Variants in DSC3 observed in about 807,000 individuals in gnomAD.
DSC3 encodes the protein desmocollin-3.
A neutral mutation model predicts 89.5 loss-of-function variants in DSC3; 97 were observed. The ratio of observed to expected loss-of-function variants is 1.08; its 90% CI spans 0.92 to 1.28. DSC3 has a LOEUF of 1.28. Among genes scored for constraint, DSC3 ranks in the 50% most tolerant of loss-of-function variants. The pLI, the probability that DSC3 is intolerant of heterozygous loss-of-function variation, is 0.00. For missense variants in DSC3, 1,199 were observed against 1,085.3 expected (o/e 1.10, Z -1.47); for synonymous variants, 436 against 384.1 (o/e 1.14, Z -1.58).
Position 31,008,313 on chromosome 18 carries a change from G to A in DSC3, c.1476C>T (p.Gly492=). Residue 492 remains glycine, a synonymous_variant, in exon 10 of 16, where the codon GGC becomes GGT. Coordinates refer to ENST00000360428, the MANE Select transcript of DSC3 (RefSeq NM_001941.5). Reference sequence around the variant, plus strand: ...TATTTTCGGGGTCATATGCCTTATAGCCGTTGATCTTTGACCCCACTGCTA... The same window carrying A: ...TATTTTCGGGGTCATATGCCTTATAACCGTTGATCTTTGACCCCACTGCTA... ...ENLAVGSKIN[G]YKAYDPENRN... is the part of the protein sequence containing the mutation. 1 of 1,613,982 alleles carries A rather than the reference G, an allele frequency of 6.2e-7. No homozygotes were observed. Among genetic ancestry groups the A allele is most frequent in the Non-Finnish European group, 8.5e-7 (1 of 1,179,992 alleles).
intron 1 of DSC3, among the ~76,000 whole-genome samples, chr18:31,033,763 C>T (rs1252347446): frequency 2.0e-5 from 3 of 152,212 alleles, no homozygotes; most frequent in African/African-American, 4.8e-5. Flanking sequence ...AAAACTTCTG[C>T]TCTCCACAAA....
rs140418576 is a variant in DSC3 at position 31,011,850 on chromosome 18, G to T, written c.1264-3325C>A. 2.4e-3 allele frequency among the ~76,000 whole-genome samples: 358 copies of T among 150,804 alleles called. 2 individuals are homozygous for T. The highest frequency in any genetic ancestry group is 8.0e-3 in the African/African-American group (327 of 41,048). On this transcript the variant is annotated intron_variant, in intron 9 of 15. Transcript: ENST00000360428. ...TCTACTAAAATACAAAAAATTAGCC[G>T]GGCATGGAGGCATGCGCCTGTAGTC... is the stretch of plus-strand genomic sequence containing the variant.
chr18:31,016,042 A>C (rs1335875041), intron 9 of DSC3, among the ~76,000 whole-genome samples: 1 of 152,164 alleles, frequency 6.6e-6, no homozygotes, highest in Non-Finnish European at 1.5e-5. Flanking sequence ...CATTCCCACC[A>C]GCGCCATGAT....
chr18:30,997,961 G>A (rs1598597508), intron 14 of DSC3, among the ~76,000 whole-genome samples: 1 of 152,092 alleles, frequency 6.6e-6, no homozygotes, highest in Non-Finnish European at 1.5e-5. Flanking sequence ...ATTAGGGTTG[G>A]GGGGAGTTAG....
Position 31,004,180 on chromosome 18 carries a change from G to GC in DSC3, c.2074dup (p.Ala692GlyfsTer28), listed in dbSNP as rs1984757166. The GC allele has an allele frequency of 6.2e-7, 1 of 1,613,652 alleles. No homozygotes were observed. Among genetic ancestry groups the GC allele is most frequent in the African/African-American group, 1.3e-5 (1 of 74,884 alleles). Reference sequence around the variant, plus strand: ...TATACCCAGTAATATTGCAAGGATTGCCCATTTTCCAAGTATTACTCCTGT... The same window carrying GC: ...TATACCCAGTAATATTGCAAGGATTGCCCCATTTTCCAAGTATTACTCCTGT... On this transcript the variant is annotated frameshift_variant, in exon 13 of 16. Coordinates refer to ENST00000360428, the MANE Select transcript of DSC3 (RefSeq NM_001941.5). LOFTEE classifies it high-confidence loss of function.
chr18:31,016,792 T>C (rs1985250315), intron 9 of DSC3, among the ~76,000 whole-genome samples: 1 of 152,172 alleles, frequency 6.6e-6, no homozygotes, highest in Admixed American at 6.5e-5. Flanking sequence ...GTATCCATTT[T>C]TGAGGGGATA....
intron 4 of DSC3, among the ~76,000 whole-genome samples, chr18:31,028,323 T>C (rs1312999755): frequency 6.6e-6 from 1 of 151,936 alleles, no homozygotes; most frequent in Non-Finnish European, 1.5e-5. Flanking sequence ...AATGAACAAA[T>C]ACTTCAAAAA....
At chr18:30,999,771 A>T (rs1041238523) in intron 14 of DSC3, among the ~76,000 whole-genome samples, 1 of 152,188 alleles carries the variant, frequency 6.6e-6, no homozygotes, top group African/African-American at 2.4e-5. Flanking sequence ...TGAAATTCAG[A>T]TCCAAAGCTA....
Position 31,004,142 on chromosome 18 carries a change from A to G in DSC3, c.2113T>C (p.Ser705Pro), listed in dbSNP as rs1188529911. 2 of 1,605,162 alleles carry G rather than the reference A, an allele frequency of 1.2e-6. No individual in the cohort carries two copies. Among genetic ancestry groups the G allele is most frequent in the South Asian group, 2.2e-5 (2 of 90,486 alleles). ...AILLGIALLF[S>P]VLLTLVCGVF... ...ACTTCAAGAAAGTGAAAATACTTACAAAAGAGCAGTGCTATACCCAGTAAT... is the reference window on the plus strand; with the variant it reads ...ACTTCAAGAAAGTGAAAATACTTACGAAAGAGCAGTGCTATACCCAGTAAT... Residue 705 changes from serine (S) to proline (P), a missense_variant and splice_region_variant, in exon 13 of 16, where the codon TCT becomes CCT. Physicochemically the swap from Ser to Pro is moderately conservative, Grantham distance 74. Transcript: ENST00000360428.
At chr18:31,015,661 C>T (rs191851682) in intron 9 of DSC3, among the ~76,000 whole-genome samples, 1 of 152,226 alleles carries the variant, frequency 6.6e-6, no homozygotes, top group Admixed American at 6.5e-5. Context: ...TCTTGAATAA[C>T]GGCCTTGAGA....
chr18:31,033,240 G>A, intron 1 of DSC3, among the ~76,000 whole-genome samples: 1 of 152,168 alleles, frequency 6.6e-6, no homozygotes, highest in South Asian at 2.1e-4. Flanking sequence ...AATACAATCT[G>A]TATAAAAATC....
chr18:30,994,811 C>G (rs1444824575), intron 15 of DSC3, among the ~76,000 whole-genome samples: 1 of 152,104 alleles, frequency 6.6e-6, no homozygotes, highest in Non-Finnish European at 1.5e-5. Flanking sequence ...ATCCTTTAGT[C>G]TCAGTGACCA....
chr18:31,040,761 T>C (rs905491129), intron 1 of DSC3, among the ~76,000 whole-genome samples: 2 of 152,158 alleles, frequency 1.3e-5, no homozygotes, highest in African/African-American at 4.8e-5. Flanking sequence ...CTCTATAAAA[T>C]GAAAAATGTT....
intron 8 of DSC3, 131 bp downstream of exon 8, chr18:31,018,535 C>T: frequency 9.1e-7 from 1 of 1,099,438 alleles, no homozygotes; most frequent in Non-Finnish European, 1.3e-6. Context: ...CTTGTTTAAA[C>T]TTTAATTTTA....
At chr18:31,034,184 C>T (rs1266281919) in intron 1 of DSC3, among the ~76,000 whole-genome samples, 2 of 151,902 alleles carry the variant, frequency 1.3e-5, no homozygotes, top group African/African-American at 2.4e-5. Context: ...ATTCCTGCAA[C>T]TCAATAATAA....
intron 9 of DSC3, among the ~76,000 whole-genome samples, chr18:31,015,048 G>A (rs1231113381): frequency 6.6e-6 from 1 of 152,078 alleles, no homozygotes; most frequent in Non-Finnish European, 1.5e-5. Context: ...GACATAAAAG[G>A]AACTTGATTC....
At chr18:31,015,107 T>G (rs1014928691) in intron 9 of DSC3, among the ~76,000 whole-genome samples, 1 of 152,198 alleles carries the variant, frequency 6.6e-6, no homozygotes, top group East Asian at 1.9e-4. Flanking sequence ...ATTTCCTTCA[T>G]GTAGAAACTA....
chr18:31,036,822 TTGCTC>T (rs1483792458), intron 1 of DSC3, among the ~76,000 whole-genome samples: 1 of 150,110 alleles, frequency 6.7e-6, no homozygotes, highest in Non-Finnish European at 1.5e-5. Context: ...AGATGGAATC[TTGCTC>T]TGTGGCCCAG....
At chr18:31,016,683 C>T (rs1408588672) in intron 9 of DSC3, among the ~76,000 whole-genome samples, 1 of 152,142 alleles carries the variant, frequency 6.6e-6, no homozygotes, top group Non-Finnish European at 1.5e-5. Flanking sequence ...GCAGGCACAG[C>T]CCAATCCAGA....
Sources: allele counts gnomAD v4.1 joint callset (sites outside exome capture counted in the v4.1 genomes callset), GRCh38; gene constraint gnomAD v4.1.1; transcripts MANE v1.5; gene names NCBI Gene and HGNC (gene_info 2026-07-23, HGNC 2026-07-21).